COL9A1: variants seen among roughly 807,000 people sequenced by gnomAD.
The protein encoded by COL9A1 is collagen alpha-1(IX) chain.
COL9A1 carries 104 observed loss-of-function variants against 142.6 expected under a neutral mutation model. The ratio of observed to expected loss-of-function variants is 0.73; its 90% CI spans 0.62 to 0.86. The LOEUF (loss-of-function observed/expected upper bound fraction) is 0.86. Among genes scored for constraint, COL9A1 ranks in the 40% least tolerant of loss-of-function variants. COL9A1 has a pLI of 0.00. For synonymous variants in COL9A1, 466 were observed against 396.0 expected (o/e 1.18, Z -2.10); for missense variants, 1,210 against 1,176.6 (o/e 1.03, Z -0.42).
intron 10 of COL9A1, among the ~76,000 whole-genome samples, chr6:70,277,546 T>C (rs920603313): frequency 6.6e-6 from 1 of 152,212 alleles, no homozygotes; most frequent in Non-Finnish European, 1.5e-5. Context: ...CAAACTTCTA[T>C]ACATTATAAC....
chr6:70,297,440 T>C (rs990103106), intron 4 of COL9A1, among the ~76,000 whole-genome samples: 3 of 152,132 alleles, frequency 2.0e-5, no homozygotes, highest in African/African-American at 4.8e-5. Context: ...AAAATTTATT[T>C]TGGTATTCAT....
intron 5 of COL9A1, among the ~76,000 whole-genome samples, chr6:70,289,860 G>GT (rs1330197998): frequency 6.6e-6 from 1 of 152,018 alleles, no homozygotes; most frequent in Non-Finnish European, 1.5e-5. Context: ...TTTTTCCCAT[G>GT]TTATAATTCA....
intron 35 of COL9A1, 50 bp downstream of exon 35, chr6:70,234,489 A>G: frequency 6.3e-7 from 1 of 1,584,716 alleles, no homozygotes; most frequent in Non-Finnish European, 8.7e-7. Flanking sequence ...TAAAATCTTA[A>G]GAAACAAGAG....
Position 70,254,475 on chromosome 6 carries a change from C to G in COL9A1, c.1719+1G>C. 6.2e-7 allele frequency: 1 copy of G among 1,614,042 alleles called. No homozygotes were observed. Among genetic ancestry groups the G allele is most frequent in the Non-Finnish European group, 8.5e-7 (1 of 1,179,916 alleles). On this transcript the variant is annotated splice_donor_variant, in intron 25 of 37. Coordinates refer to ENST00000357250, the MANE Select transcript of COL9A1 (RefSeq NM_001851.6). LOFTEE classifies it high-confidence loss of function. ...TAACATGTAAAGAATCAAATACTTACTGGTAACCCCTGCAATCCTGCATCA... is the reference window on the plus strand; with the variant it reads ...TAACATGTAAAGAATCAAATACTTAGTGGTAACCCCTGCAATCCTGCATCA...
rs200305129 is a variant in COL9A1 at position 70,282,887 on chromosome 6, C to G, written c.801+11G>C. On this transcript the variant is annotated intron_variant, in intron 7 of 37. Transcript: ENST00000357250. ...CTTGAAAAATGCAAACACTCCCTGC[C>G]CCCAACTTACCTCGTCGGTGGTCTG... 1.7e-3 allele frequency: 2,812 copies of G among 1,614,182 alleles called. 4 individuals carry two copies. Among genetic ancestry groups the G allele is most frequent in the Middle Eastern group, 2.5e-3 (15 of 6,060 alleles).
intron 33 of COL9A1, among the ~76,000 whole-genome samples, chr6:70,237,067 C>T (rs1274594261): frequency 6.6e-6 from 1 of 152,194 alleles, no homozygotes; most frequent in Non-Finnish European, 1.5e-5. Flanking sequence ...GGATGATCTG[C>T]CCACCTCGGC....
rs532846742 is a variant in COL9A1, at chr6:70,228,775, G to A, written c.2504-2766C>T. Among the ~76,000 whole-genome samples the A allele has an allele frequency of 2.9e-4, 44 of 152,014 alleles. 1 individual carries two copies. In the South Asian group the frequency reaches 8.7e-3, roughly 30 times the overall value. On this transcript the variant is annotated intron_variant, in intron 36 of 37. Transcript: ENST00000357250. The stretch of plus-strand genomic sequence containing the variant: ...TTTAAATTTATATAAATACTATGAC[G>A]GATTGAACTCAGGTTGAACTCATAT...
chr6:70,220,949 A>C (rs1367641161), intron 37 of COL9A1, among the ~76,000 whole-genome samples: 1 of 152,220 alleles, frequency 6.6e-6, no homozygotes, highest in Non-Finnish European at 1.5e-5. Context: ...CAAAGAAATG[A>C]TAAATGTTTG....
chr6:70,248,046 GA>G (rs1471947496), intron 28 of COL9A1, among the ~76,000 whole-genome samples: 1 of 152,216 alleles, frequency 6.6e-6, no homozygotes, highest in African/African-American at 2.4e-5. Flanking sequence ...ACATCAGCAT[GA>G]AACTCATCCC....
At chr6:70,239,419 AT>A in intron 32 of COL9A1, 133 bp from the exon 33 acceptor site, 3 of 654,086 alleles carry the variant, frequency 4.6e-6, no homozygotes, top group East Asian at 2.7e-5. Context: ...CTGCAAAAAA[AT>A]ATTAGACTCC....
Position 70,216,999 on chromosome 6 carries a change from C to T in COL9A1, c.2664G>A (p.Val888=), listed in dbSNP as rs1408614638. 1 of 1,614,126 alleles carries T rather than the reference C, an allele frequency of 6.2e-7. No individual in the cohort carries two copies. The highest frequency in any genetic ancestry group is 1.3e-5 in the African/African-American group (1 of 75,042). Residue 888 remains valine (V), a synonymous_variant, in exon 38 of 38, where the codon GTG becomes GTA. Coordinates refer to ENST00000357250, the MANE Select transcript of COL9A1 (RefSeq NM_001851.6). The part of the protein sequence containing the change: ...GPPGVAGIPG[V]PGPPGPPGLP... The stretch of plus-strand genomic sequence containing the variant: ...GCCCAGGAGGTCCCGGGGGTCCAGG[C>T]ACTCCAGGAATTCCTGCCACCCCTG...
At chr6:70,296,250 TA>T (rs2127606242) in intron 4 of COL9A1, among the ~76,000 whole-genome samples, 1 of 152,306 alleles carries the variant, frequency 6.6e-6, no homozygotes, top group Admixed American at 6.5e-5. Flanking sequence ...GTATTTTTTT[TA>T]ACCATTACTT....
At chr6:70,222,763 T>G (rs1768965118) in intron 37 of COL9A1, 1 of 151,786 alleles carries the variant, frequency 6.6e-6, no homozygotes. Flanking sequence ...TTCAGGAGGA[T>G]TTGAGCCCCA....
intron 33 of COL9A1, among the ~76,000 whole-genome samples, chr6:70,238,611 C>T (rs1359631874): frequency 6.6e-6 from 1 of 151,904 alleles, no homozygotes; most frequent in Non-Finnish European, 1.5e-5. Flanking sequence ...CTGTTGACAA[C>T]AAAAAACACA....
At chr6:70,299,921 A>G in intron 4 of COL9A1, 122 bp downstream of exon 4, 1 of 953,010 alleles carries the variant, frequency 1.0e-6, no homozygotes, top group Non-Finnish European at 1.6e-6. Flanking sequence ...AAATTTCTTC[A>G]TCTTTAAATA....
chr6:70,229,306 C>G (rs769264569), intron 36 of COL9A1, among the ~76,000 whole-genome samples: 5 of 152,044 alleles, frequency 3.3e-5, no homozygotes, highest in Non-Finnish European at 7.4e-5. Flanking sequence ...CAAAAACCAG[C>G]TTAGGGAACT....
chr6:70,288,149 A>T (rs1773524376), intron 5 of COL9A1, among the ~76,000 whole-genome samples: 1 of 152,162 alleles, frequency 6.6e-6, no homozygotes, highest in South Asian at 2.1e-4. Context: ...ACTCTCCCTG[A>T]CACCTGCTCT....
chr6:70,240,782 C>A, intron 31 of COL9A1, 49 bp from the exon 32 acceptor site: 1 of 1,429,280 alleles, frequency 7.0e-7, no homozygotes, highest in Non-Finnish European at 9.9e-7. Flanking sequence ...AGTCCCATTG[C>A]CCAATTTTAA....
chr6:70,217,969 C>T (rs768672054), intron 37 of COL9A1, among the ~76,000 whole-genome samples: 1 of 152,072 alleles, frequency 6.6e-6, no homozygotes, highest in Non-Finnish European at 1.5e-5. Context: ...GGTGAAACCT[C>T]ATTTCTACTA....
Sources: allele counts gnomAD v4.1 joint callset (sites outside exome capture counted in the v4.1 genomes callset), GRCh38; gene constraint gnomAD v4.1.1; transcripts MANE v1.5; gene names NCBI Gene and HGNC (gene_info 2026-07-23, HGNC 2026-07-21).